Variants in JAZF1 observed in about 807,000 individuals in gnomAD.
JAZF1 encodes the protein juxtaposed with another zinc finger protein 1.
JAZF1 carries 8 observed loss-of-function variants against 26.4 expected under a neutral mutation model. The ratio of observed to expected loss-of-function variants is 0.30; its 90% CI spans 0.18 to 0.55. JAZF1 has a LOEUF of 0.55. Among genes scored for constraint, JAZF1 ranks in the 20% least tolerant of loss-of-function variants. The pLI is 0.94. For synonymous variants in JAZF1, 126 were observed against 122.3 expected, an observed-to-expected ratio of 1.03 and a Z score of -0.20; for missense variants, 199 against 322.0, an observed-to-expected ratio of 0.62 and a Z score of 2.92.
chr7:28,069,472 C>T (rs1346255711), intron 1 of JAZF1, among the ~76,000 whole-genome samples: 2 of 152,172 alleles, frequency 1.3e-5, no homozygotes, highest in Non-Finnish European at 2.9e-5. Context: ...CTTCCTTCAG[C>T]CTTTAGCTCC....
At chr7:27,934,446 A>T (rs1784731914) in intron 2 of JAZF1, among the ~76,000 whole-genome samples, 1 of 148,904 alleles carries the variant, frequency 6.7e-6, no homozygotes, top group Non-Finnish European at 1.5e-5. Flanking sequence ...ACCAGTGAGG[A>T]TTTTTCATTT....
intron 1 of JAZF1, among the ~76,000 whole-genome samples, chr7:28,036,815 A>G (rs1176052649): frequency 6.6e-6 from 1 of 152,228 alleles, no homozygotes; most frequent in African/African-American, 2.4e-5. Context: ...AAGGTAGGAA[A>G]GTATGGTCAG....
intron 2 of JAZF1, among the ~76,000 whole-genome samples, chr7:27,902,162 G>A (rs1348260528): frequency 3.3e-5 from 5 of 152,184 alleles, no homozygotes; most frequent in Non-Finnish European, 5.9e-5. Context: ...ATTAATGTAC[G>A]TGATTATATG....
At chr7:28,104,206 G>A (rs1240191234) in intron 1 of JAZF1, among the ~76,000 whole-genome samples, 1 of 152,084 alleles carries the variant, frequency 6.6e-6, no homozygotes, top group African/African-American at 2.4e-5. Context: ...AGGTAGTACT[G>A]TGACAACCCC....
rs7791557 is a variant in JAZF1, at chr7:28,078,330, C to T, written c.116-86349G>A. ...AGTTTCTCCATCTATAAAATGGGAG[C>T]GATTATGCATGCTTCACCCATCACA... is the stretch of plus-strand genomic sequence containing the variant. On this transcript the variant is annotated intron_variant, in intron 1 of 4. Transcript: ENST00000283928. 9.1e-3 allele frequency among the ~76,000 whole-genome samples: 1,390 copies of T among 152,250 alleles called. 20 individuals are homozygous for T. Among genetic ancestry groups the T allele is most frequent in the African/African-American group, 0.032 (1,331 of 41,530 alleles).
intron 1 of JAZF1, among the ~76,000 whole-genome samples, chr7:28,080,092 C>T (rs1440753112): frequency 6.6e-6 from 1 of 152,210 alleles, no homozygotes; most frequent in Non-Finnish European, 1.5e-5. Context: ...TTATAGTCAT[C>T]CAAGCTAGAT....
At chr7:27,866,777 A>C (rs969984137) in intron 3 of JAZF1, among the ~76,000 whole-genome samples, 1 of 152,264 alleles carries the variant, frequency 6.6e-6, no homozygotes, top group Non-Finnish European at 1.5e-5. Flanking sequence ...GTGTTGGAGA[A>C]ACATAATGTG....
At chr7:27,975,784 G>C (rs191979872) in intron 2 of JAZF1, among the ~76,000 whole-genome samples, 21 of 152,318 alleles carry the variant, frequency 1.4e-4, no homozygotes, top group Non-Finnish European at 2.9e-4. Flanking sequence ...CATAAATACT[G>C]ATGAGTGGAC....
chr7:28,075,442 TACAC>T (rs1373168205), intron 1 of JAZF1, among the ~76,000 whole-genome samples: 3 of 152,168 alleles, frequency 2.0e-5, no homozygotes, highest in East Asian at 1.9e-4. Context: ...AATTTTAAAA[TACAC>T]ACATACAGAG....
At chr7:27,950,751 A>G (rs1052791033) in intron 2 of JAZF1, among the ~76,000 whole-genome samples, 2 of 152,150 alleles carry the variant, frequency 1.3e-5, no homozygotes, top group Admixed American at 1.3e-4. Flanking sequence ...AGCCAAGTAC[A>G]TTGCCTGCAT....
chr7:28,170,194 A>T (rs1297961579), intron 1 of JAZF1, among the ~76,000 whole-genome samples: 1 of 152,226 alleles, frequency 6.6e-6, no homozygotes, highest in Non-Finnish European at 1.5e-5. Flanking sequence ...AGGCTGAGGC[A>T]GGAGGATCGC....
chr7:27,887,022 T>G (rs1341568795), intron 3 of JAZF1, among the ~76,000 whole-genome samples: 1 of 152,200 alleles, frequency 6.6e-6, no homozygotes, highest in African/African-American at 2.4e-5. Context: ...ATACTGCATG[T>G]TCTTACTTAT....
chr7:27,938,409 T>C (rs1784789800), intron 2 of JAZF1, among the ~76,000 whole-genome samples: 2 of 152,248 alleles, frequency 1.3e-5, no homozygotes. Context: ...TCTGTTTCTC[T>C]GTCCTGGCCC....
intron 1 of JAZF1, among the ~76,000 whole-genome samples, chr7:28,165,905 C>G (rs562403310): frequency 2.0e-5 from 3 of 152,128 alleles, no homozygotes; most frequent in Non-Finnish European, 4.4e-5. Context: ...CTACTATAAC[C>G]CCAGCTCCTA....
intron 1 of JAZF1, among the ~76,000 whole-genome samples, chr7:28,117,292 C>A (rs1784762325): frequency 6.6e-6 from 1 of 152,032 alleles, no homozygotes; most frequent in South Asian, 2.1e-4. Flanking sequence ...AAAAGTCCTT[C>A]TTACTTCAAG....
At position 28,072,688 on chromosome 7, in the gene JAZF1, C is replaced by T. The variant is rs574782889; in HGVS notation, c.116-80707G>A. Among the ~76,000 whole-genome samples the T allele has an allele frequency of 5.9e-5, 9 of 152,230 alleles. No individual in the cohort carries two copies. The East Asian group carries it at 1.2e-3, about 20-fold the overall frequency. On this transcript the variant is annotated intron_variant, in intron 1 of 4. Coordinates refer to ENST00000283928, the MANE Select transcript of JAZF1 (RefSeq NM_175061.4). Reference sequence around the variant, plus strand: ...ACCCCACCCAAACATGTATAATTAACGTTTTAGAAGGAAAGATATAAACAC... The same window carrying T: ...ACCCCACCCAAACATGTATAATTAATGTTTTAGAAGGAAAGATATAAACAC...
chr7:27,901,043 T>C lies in JAZF1; in HGVS notation c.189-5627A>G, dbSNP rs1443273882. ...ATGGTTGATATTTTAGGGTTTTTCCTTCTAACATTTTTCTACACGTAGAGA... is the reference window on the plus strand; with the variant it reads ...ATGGTTGATATTTTAGGGTTTTTCCCTCTAACATTTTTCTACACGTAGAGA... On this transcript the variant is annotated intron_variant, in intron 2 of 4. Coordinates refer to ENST00000283928, the MANE Select transcript of JAZF1 (RefSeq NM_175061.4). 2.0e-5 allele frequency among the ~76,000 whole-genome samples: 3 copies of C among 152,064 alleles called. No homozygotes were observed. In the East Asian group the frequency reaches 5.8e-4, roughly 29 times the overall value.
At chr7:27,848,459 G>C (rs921632156) in intron 3 of JAZF1, among the ~76,000 whole-genome samples, 2 of 152,214 alleles carry the variant, frequency 1.3e-5, no homozygotes, top group South Asian at 4.1e-4. Context: ...AGTTGGATTA[G>C]ATTTGTAACT....
chr7:28,133,149 TAACA>T (rs1391792518), intron 1 of JAZF1, among the ~76,000 whole-genome samples: 1 of 152,226 alleles, frequency 6.6e-6, no homozygotes, highest in Non-Finnish European at 1.5e-5. Context: ...TCATTCAGCT[TAACA>T]AACACCCTCT....
Sources: gnomAD v4.1 joint callset for allele counts (sites outside exome capture counted in the v4.1 genomes callset) on GRCh38, gnomAD v4.1.1 for gene constraint, MANE v1.5 for transcripts, NCBI Gene and HGNC (gene_info 2026-07-23, HGNC 2026-07-21) for gene names.